The following ITGBL1 variants were observed in gnomAD, a reference collection of about 807,000 sequenced individuals.
ITGBL1 encodes integrin subunit beta like 1.
A neutral mutation model predicts 68.5 loss-of-function variants in ITGBL1; 51 were observed. The observed-to-expected ratio is 0.74, with a 90% CI of 0.59 to 0.94. The LOEUF (loss-of-function observed/expected upper bound fraction) is 0.94. Ranked by LOEUF, ITGBL1 falls within the 40% of genes least tolerant of loss-of-function variation. The probability of loss-of-function intolerance (pLI) is 0.00; values close to 1 mark genes in which losing one functional copy is unlikely to be tolerated. For missense variants in ITGBL1, 649 were observed against 647.4 expected (o/e 1.00, Z -0.03); for synonymous variants, 209 against 227.3 (o/e 0.92, Z 0.72).
chr13:101,671,850 A>C (rs565597445), intron 7 of ITGBL1, among the ~76,000 whole-genome samples: 1 of 152,302 alleles, frequency 6.6e-6, no homozygotes, highest in Admixed American at 6.5e-5. Context: ...GGCAGTATAT[A>C]TGTTTGTGTA....
chr13:101,609,686 C>G (rs1002150629), intron 7 of ITGBL1, among the ~76,000 whole-genome samples: 10 of 151,984 alleles, frequency 6.6e-5, no homozygotes, highest in African/African-American at 2.2e-4. Context: ...AATCCAGAAG[C>G]TGAATTTAAT....
intron 2 of ITGBL1, among the ~76,000 whole-genome samples, chr13:101,534,730 T>C (rs1017134023): frequency 6.6e-6 from 1 of 151,974 alleles, no homozygotes; most frequent in Non-Finnish European, 1.5e-5. Flanking sequence ...TGAAAGAAGG[T>C]GTTGGAGGGT....
At chr13:101,700,727 G>A (rs1176704048) in intron 8 of ITGBL1, among the ~76,000 whole-genome samples, 1 of 152,030 alleles carries the variant, frequency 6.6e-6, no homozygotes, top group East Asian at 1.9e-4. Flanking sequence ...CTTCAAACAC[G>A]TTGGCCTTCT....
intron 6 of ITGBL1, among the ~76,000 whole-genome samples, chr13:101,586,442 T>C (rs959550242): frequency 6.6e-6 from 1 of 152,180 alleles, no homozygotes; most frequent in African/African-American, 2.4e-5. Flanking sequence ...GAAACTCATA[T>C]TTACAGAGAC....
intron 2 of ITGBL1, among the ~76,000 whole-genome samples, chr13:101,502,268 TATA>T (rs1490861302): frequency 1.3e-5 from 2 of 152,214 alleles, no homozygotes; most frequent in Non-Finnish European, 2.9e-5. Context: ...CCATGTGTGA[TATA>T]ATAAGTTATC....
intron 6 of ITGBL1, among the ~76,000 whole-genome samples, chr13:101,584,864 G>A (rs928102677): frequency 6.6e-6 from 1 of 151,880 alleles, no homozygotes; most frequent in African/African-American, 2.4e-5. Context: ...CACAGTGGTG[G>A]TGATGTAGGG....
chr13:101,565,184 A>C (rs1263327465), intron 2 of ITGBL1, among the ~76,000 whole-genome samples: 2 of 152,104 alleles, frequency 1.3e-5, no homozygotes, highest in Non-Finnish European at 2.9e-5. Context: ...ATTTTGAAAA[A>C]TGAGGTGTTT....
intron 7 of ITGBL1, among the ~76,000 whole-genome samples, chr13:101,666,735 G>C (rs1230238628): frequency 6.6e-6 from 1 of 152,118 alleles, no homozygotes; most frequent in African/African-American, 2.4e-5. Context: ...GATGTGGGAT[G>C]GCAAATTGAA....
At chr13:101,541,709 G>T (rs1408981532) in intron 2 of ITGBL1, among the ~76,000 whole-genome samples, 1 of 152,076 alleles carries the variant, frequency 6.6e-6, no homozygotes, top group Non-Finnish European at 1.5e-5. Flanking sequence ...TTGGTAAGCT[G>T]TTAATTATTG....
chr13:101,535,405 G>A (rs1200427256), intron 2 of ITGBL1, among the ~76,000 whole-genome samples: 2 of 152,056 alleles, frequency 1.3e-5, no homozygotes, highest in Non-Finnish European at 2.9e-5. Context: ...AGACCTTATA[G>A]TTAGAGAATA....
intron 7 of ITGBL1, among the ~76,000 whole-genome samples, chr13:101,661,739 T>C (rs2033094978): frequency 6.6e-6 from 1 of 152,182 alleles, no homozygotes; most frequent in Admixed American, 6.5e-5. Context: ...CACCACCTAA[T>C]ATTTTTTTTC....
chr13:101,640,531 C>T (rs1463469058), intron 7 of ITGBL1, among the ~76,000 whole-genome samples: 5 of 152,072 alleles, frequency 3.3e-5, no homozygotes, highest in Non-Finnish European at 5.9e-5. Context: ...GTCTATTTTA[C>T]CTTTTAGGAT....
chr13:101,556,061 T>G (rs1490502459), intron 2 of ITGBL1, among the ~76,000 whole-genome samples: 1 of 152,220 alleles, frequency 6.6e-6, no homozygotes, highest in African/African-American at 2.4e-5. Flanking sequence ...TGATAAGCAG[T>G]GTTCTAAGTG....
intron 7 of ITGBL1, among the ~76,000 whole-genome samples, chr13:101,648,214 G>A (rs2032627684): frequency 6.6e-6 from 1 of 152,046 alleles, no homozygotes; most frequent in Non-Finnish European, 1.5e-5. Context: ...CAAATAAGCA[G>A]ACAACAACAA....
intron 7 of ITGBL1, among the ~76,000 whole-genome samples, chr13:101,605,980 GTGTA>G (rs2030815850): frequency 6.9e-6 from 1 of 144,902 alleles, no homozygotes; most frequent in African/African-American, 2.5e-5. Flanking sequence ...ATGCATATAT[GTGTA>G]TATATATGTG....
At position 101,636,986 on chromosome 13, in the gene ITGBL1, TC is replaced by T. The variant is rs112444559; in HGVS notation, c.1015+38688del. 4.3e-3 allele frequency among the ~76,000 whole-genome samples: 657 copies of T among 152,314 alleles called. 5 individuals are homozygous for T. The highest frequency in any genetic ancestry group is 0.015 in the African/African-American group (607 of 41,578). ...ACATCCACTTAATTCTGAAAGCAAC[TC>T]TTTACTGGGGCTGAAGTTTAAAATT... is the stretch of plus-strand genomic sequence containing the variant. On this transcript the variant is annotated intron_variant, in intron 7 of 10. Transcript: ENST00000376180.
chr13:101,503,354 A>G (rs1260921203), intron 2 of ITGBL1, among the ~76,000 whole-genome samples: 3 of 152,270 alleles, frequency 2.0e-5, no homozygotes, highest in South Asian at 4.1e-4. Context: ...TGTGTACTCC[A>G]CAGAAGGCAT....
intron 7 of ITGBL1, among the ~76,000 whole-genome samples, chr13:101,656,134 G>C (rs1355629342): frequency 1.3e-5 from 2 of 152,100 alleles, no homozygotes; most frequent in Admixed American, 1.3e-4. Flanking sequence ...TGAAGACCTG[G>C]GATATATAGA....
chr13:101,540,201 C>A (rs1174511858), intron 2 of ITGBL1, among the ~76,000 whole-genome samples: 1 of 152,184 alleles, frequency 6.6e-6, no homozygotes, highest in African/African-American at 2.4e-5. Flanking sequence ...ACATTTAAGT[C>A]TTTAATACAT....
Sources: allele counts gnomAD v4.1 joint callset (sites outside exome capture counted in the v4.1 genomes callset), GRCh38; gene constraint gnomAD v4.1.1; transcripts MANE v1.5; gene names NCBI Gene and HGNC (gene_info 2026-07-23, HGNC 2026-07-21).